PTPRM: variants seen among roughly 807,000 people sequenced by gnomAD.
PTPRM encodes the protein protein tyrosine phosphatase receptor type M, also known as receptor-type tyrosine-protein phosphatase mu.
Under a neutral mutation model 186.7 loss-of-function variants are expected in PTPRM, and 47 were observed. The observed-to-expected ratio is 0.25, with a 90% CI of 0.20 to 0.32. PTPRM has a LOEUF of 0.32. Among genes scored for constraint, PTPRM ranks in the 10% least tolerant of loss-of-function variants. The pLI is 1.00. For synonymous variants in PTPRM, 668 were observed against 674.9 expected (o/e 0.99, Z 0.16); for missense variants, 1,494 against 1,865.0 (o/e 0.80, Z 3.66).
chr18:7,891,955 C>A (rs2049105894), intron 3 of PTPRM, among the ~76,000 whole-genome samples: 1 of 152,130 alleles, frequency 6.6e-6, no homozygotes, highest in Non-Finnish European at 1.5e-5. Flanking sequence ...GTATGGTGGC[C>A]TAGGCTGAGA....
chr18:8,252,511 G>C lies in PTPRM; in HGVS notation c.2566+12G>C. 6.5e-7 allele frequency: 1 copy of C among 1,545,972 alleles called. No individual in the cohort carries two copies. The highest frequency in any genetic ancestry group is 8.9e-7 in the Non-Finnish European group (1 of 1,118,150). On this transcript the variant is annotated intron_variant, in intron 18 of 32. Transcript: ENST00000580170. ...AGTGCCAATAAATGGTAAGTTCCCC[G>C]ATTCGCCCCATGGAAGAGTTGTGGA...
At chr18:7,706,836 G>T (rs192191794) in intron 1 of PTPRM, among the ~76,000 whole-genome samples, 85 of 152,082 alleles carry the variant, frequency 5.6e-4, no homozygotes, top group African/African-American at 1.8e-3. Context: ...AGTATTAGCA[G>T]TGAGTTAGGA....
At chr18:7,585,117 C>A (rs1182028739) in intron 1 of PTPRM, among the ~76,000 whole-genome samples, 2 of 152,228 alleles carry the variant, frequency 1.3e-5, no homozygotes, top group African/African-American at 4.8e-5. Flanking sequence ...GCAGGGAAAG[C>A]TCTCCTGTGG....
chr18:7,666,726 C>T (rs1423828340), intron 1 of PTPRM, among the ~76,000 whole-genome samples: 1 of 152,168 alleles, frequency 6.6e-6, no homozygotes, highest in Non-Finnish European at 1.5e-5. Flanking sequence ...TATTTATCCC[C>T]TTCAAGCAAC....
intron 1 of PTPRM, among the ~76,000 whole-genome samples, chr18:7,696,845 C>T (rs1169544909): frequency 6.6e-6 from 1 of 152,186 alleles, no homozygotes; most frequent in Non-Finnish European, 1.5e-5. Flanking sequence ...GTTTTCATAG[C>T]TTCCAGTTCA....
chr18:7,912,293 C>A (rs1202574902), intron 4 of PTPRM, among the ~76,000 whole-genome samples: 1 of 152,090 alleles, frequency 6.6e-6, no homozygotes, highest in Non-Finnish European at 1.5e-5. Context: ...CTGTTCTTTC[C>A]CCATTAAATT....
intron 1 of PTPRM, among the ~76,000 whole-genome samples, chr18:7,766,348 C>A (rs1467101138): frequency 6.6e-6 from 1 of 152,168 alleles, no homozygotes; most frequent in East Asian, 1.9e-4. Context: ...TGGGTTAGTA[C>A]AAGCTAAGGA....
intron 11 of PTPRM, among the ~76,000 whole-genome samples, chr18:8,092,405 A>G (rs1057437538): frequency 6.6e-6 from 1 of 152,064 alleles, no homozygotes; most frequent in African/African-American, 2.4e-5. Flanking sequence ...ACTTTCTTTC[A>G]TTTATTTATG....
chr18:8,222,434 C>T (rs2094164078), intron 14 of PTPRM, among the ~76,000 whole-genome samples: 1 of 152,180 alleles, frequency 6.6e-6, no homozygotes, highest in African/African-American at 2.4e-5. Flanking sequence ...AGATGACATG[C>T]TTTCTCTGTC....
chr18:7,921,613 C>G (rs1362412651), intron 4 of PTPRM, among the ~76,000 whole-genome samples: 2 of 152,144 alleles, frequency 1.3e-5, no homozygotes, highest in Non-Finnish European at 2.9e-5. Flanking sequence ...AACTCCTGGC[C>G]TCATGATCTG....
intron 2 of PTPRM, among the ~76,000 whole-genome samples, chr18:7,822,003 A>T (rs938939212): frequency 6.6e-6 from 1 of 152,228 alleles, no homozygotes; most frequent in East Asian, 1.9e-4. Context: ...AAAGCAGCAG[A>T]TGAGGGAGGA....
chr18:8,370,931 T>C lies in PTPRM; in HGVS notation c.3096T>C (p.Tyr1032=). ...ACTGGCCAGATGACACAGAGATATA[T>C]AAAGACATTAAAGTTACCCTAATAG... ...CKYWPDDTEI[Y]KDIKVTLIET... Residue 1032 remains tyrosine (Y), a synonymous_variant, in exon 24 of 33, where the codon TAT becomes TAC. Coordinates refer to ENST00000580170, the MANE Select transcript of PTPRM (RefSeq NM_001105244.2). 3 of 1,606,500 alleles carry C rather than the reference T, an allele frequency of 1.9e-6. No homozygotes were observed. Among genetic ancestry groups the C allele is most frequent in the South Asian group, 1.1e-5 (1 of 90,586 alleles).
intron 2 of PTPRM, among the ~76,000 whole-genome samples, chr18:7,800,737 A>G (rs918450549): frequency 1.3e-5 from 2 of 152,246 alleles, no homozygotes; most frequent in Admixed American, 6.5e-5. Context: ...TTGTGCAAAG[A>G]TGATAAAGTG....
At chr18:7,697,653 G>A (rs1377647085) in intron 1 of PTPRM, among the ~76,000 whole-genome samples, 1 of 152,152 alleles carries the variant, frequency 6.6e-6, no homozygotes, top group African/African-American at 2.4e-5. Context: ...AACTATGAGA[G>A]TTTCAATCCT....
chr18:8,319,274 T>C (rs2095330612), intron 22 of PTPRM, 60 bp downstream of exon 22: 1 of 1,265,024 alleles, frequency 7.9e-7, no homozygotes, highest in Admixed American at 1.9e-5. Context: ...CCTATCATTT[T>C]GTACCCACTT....
chr18:8,383,008 AG>A (rs1244253680), intron 29 of PTPRM, among the ~76,000 whole-genome samples: 1 of 152,128 alleles, frequency 6.6e-6, no homozygotes, highest in Non-Finnish European at 1.5e-5. Context: ...GAAAGATAAA[AG>A]TTAGATGCGG....
chr18:7,897,272 G>A (rs2049411727), intron 3 of PTPRM, among the ~76,000 whole-genome samples: 1 of 152,184 alleles, frequency 6.6e-6, no homozygotes, highest in Non-Finnish European at 1.5e-5. Context: ...TGAGTCTAGT[G>A]TTCCCTGAAG....
At chr18:8,311,616 T>C (rs757924148) in intron 20 of PTPRM, among the ~76,000 whole-genome samples, 1 of 152,192 alleles carries the variant, frequency 6.6e-6, no homozygotes, top group Non-Finnish European at 1.5e-5. Context: ...AGAAAAAAGA[T>C]ACTACCATGT....
chr18:8,117,498 A>G (rs1048789231), intron 13 of PTPRM, among the ~76,000 whole-genome samples: 17 of 152,336 alleles, frequency 1.1e-4, no homozygotes, highest in Admixed American at 3.9e-4. Flanking sequence ...AATATATTTC[A>G]TACTATTTAT....
Sources: gnomAD v4.1 joint callset for allele counts (sites outside exome capture counted in the v4.1 genomes callset) on GRCh38, gnomAD v4.1.1 for gene constraint, MANE v1.5 for transcripts, NCBI Gene and HGNC (gene_info 2026-07-23, HGNC 2026-07-21) for gene names.